LRRC56: variants seen among roughly 807,000 people sequenced by gnomAD.
The protein encoded by LRRC56 is leucine rich repeat containing 56.
LRRC56 carries 41 observed loss-of-function variants against 47.8 expected under a neutral mutation model. The ratio of observed to expected loss-of-function variants is 0.86; its 90% CI spans 0.67 to 1.11. The LOEUF is 1.11. LRRC56 is among the 50% of genes most tolerant of loss of function. LRRC56 has a pLI of 0.00. For missense variants in LRRC56, 759 were observed against 704.2 expected, an observed-to-expected ratio of 1.08 and a Z score of -0.88; for synonymous variants, 387 against 311.2, an observed-to-expected ratio of 1.24 and a Z score of -2.56.
At chr11:529,854 C>A in the LRRC56 span, 1 of 152,202 alleles carries the variant, frequency 6.6e-6, no homozygotes, top group Non-Finnish European at 1.5e-5. Context: ...TCCAGAATCC[C>A]AAGGGGTCAG....
At chr11:530,311 C>G in the LRRC56 span, among the ~76,000 whole-genome samples, 1 of 152,226 alleles carries the variant, frequency 6.6e-6, no homozygotes, top group Non-Finnish European at 1.5e-5. Flanking sequence ...GTGACCAGCA[C>G]GGTGTGGAAG....
At chr11:542,844 T>A (rs2894649) in intron 5 of LRRC56, among the ~76,000 whole-genome samples, 5 of 151,958 alleles carry the variant, frequency 3.3e-5, no homozygotes, top group Non-Finnish European at 7.4e-5. Context: ...CACCTGTACA[T>A]GACTCTTAGC....
chr11:545,608 G>A (rs192856593), intron 6 of LRRC56, among the ~76,000 whole-genome samples: 1 of 152,242 alleles, frequency 6.6e-6, no homozygotes, highest in Admixed American at 6.5e-5. Flanking sequence ...TACAGAACCC[G>A]GACCAGCTCC....
chr11:532,052 C>T, the LRRC56 span, among the ~76,000 whole-genome samples: 1 of 152,220 alleles, frequency 6.6e-6, no homozygotes, highest in Non-Finnish European at 1.5e-5. Flanking sequence ...CCAGAGCTCT[C>T]TGCCAGAAGC....
In LRRC56 at chr11:550,015, T is replaced by G; in HGVS notation, c.423+17T>G. ...GCACTTAAGGTGAGTCTGGGCACCC[T>G]GGGCTGGGGAGGCCTGGGCTGGGCC... On this transcript the variant is annotated intron_variant, in intron 7 of 13. Transcript: ENST00000270115. 1 of 1,609,626 alleles carries G rather than the reference T, an allele frequency of 6.2e-7. No homozygotes were observed. The highest frequency in any genetic ancestry group is 1.3e-5 in the African/African-American group (1 of 74,558).
At chr11:519,306 CG>C in the LRRC56 span, among the ~76,000 whole-genome samples, 11 of 129,334 alleles carry the variant, frequency 8.5e-5, no homozygotes, top group East Asian at 4.5e-4. Flanking sequence ...TATTAGAACG[CG>C]GGCTGATACA....
intron 13 of LRRC56, among the ~76,000 whole-genome samples, chr11:553,650 G>A (rs1045317948): frequency 1.3e-5 from 2 of 152,208 alleles, no homozygotes; most frequent in African/African-American, 2.4e-5. Context: ...GGCTCTCAGG[G>A]TCAGGACACA....
At chr11:530,940 GAC>G in the LRRC56 span, among the ~76,000 whole-genome samples, 8 of 43,232 alleles carry the variant, frequency 1.9e-4, 1 homozygote, top group African/African-American at 4.4e-4. Context: ...GCGTCCCCTG[GAC>G]AGAAGGGGGA....
upstream of LRRC56, chr11:533,337 A>C (rs748920784): frequency 6.2e-6 from 10 of 1,605,186 alleles, no homozygotes; most frequent in Admixed American, 1.7e-5. Flanking sequence ...CCGGAGCTGG[A>C]GCTAGAGCCA....
At chr11:532,724 C>T (rs748729430), upstream of LRRC56, 12 of 1,612,994 alleles carry the variant, frequency 7.4e-6, no homozygotes, top group East Asian at 6.7e-5. Flanking sequence ...CCGGATCTCA[C>T]GCACCAACGT....
chr11:534,945 G>A (rs1413756983), upstream of LRRC56, among the ~76,000 whole-genome samples: 2 of 152,248 alleles, frequency 1.3e-5, no homozygotes, highest in East Asian at 1.9e-4. Context: ...AGGAGCTCCT[G>A]GGAAGCAGGG....
rs1426602033 is a variant in LRRC56 at position 538,865 on chromosome 11, GAC to G, written c.-159+11_-159+12del. 2 of 152,496 alleles carry G rather than the reference GAC, an allele frequency of 1.3e-5. No homozygotes were observed. Among genetic ancestry groups the G allele is most frequent in the Non-Finnish European group, 2.9e-5 (2 of 68,244 alleles). 9.4% of individuals were successfully genotyped at this position (152,496 alleles called of 1,614,324 possible). A position where few individuals can be genotyped will look rare whatever the true frequency, so the allele number is the denominator to read the frequency against. ...AGGCCCTCAACCGAACACGTAGTAA[GAC>G]ACACAGGGCTCCGAAGGGAACTCGT... On this transcript the variant is annotated splice_donor_region_variant and intron_variant, in intron 2 of 13. Transcript: ENST00000270115.
At chr11:514,078 G>A in the LRRC56 span, among the ~76,000 whole-genome samples, 2 of 151,874 alleles carry the variant, frequency 1.3e-5, no homozygotes, top group Non-Finnish European at 2.9e-5. Flanking sequence ...TGCAACCTCC[G>A]CCTCCCAGGT....
chr11:532,465 T>TCCTCCTTCCGTCTGCA, the LRRC56 span: 3 of 899,720 alleles, frequency 3.3e-6, no homozygotes, highest in African/African-American at 3.3e-5. Flanking sequence ...CCTTCCTTCC[T>TCCTCCTTCCGTCTGCA]CCTCCTTCCG....
At chr11:546,708 C>T (rs1057487878) in intron 6 of LRRC56, among the ~76,000 whole-genome samples, 24 of 152,084 alleles carry the variant, frequency 1.6e-4, no homozygotes, top group Admixed American at 9.8e-4. Flanking sequence ...GGCACCCAGA[C>T]GACACCGCGA....
chr11:525,294 C>G, the LRRC56 span, among the ~76,000 whole-genome samples: 1 of 151,618 alleles, frequency 6.6e-6, no homozygotes, highest in African/African-American at 2.4e-5. Context: ...AATCCCAGCA[C>G]TTTGGGAGGC....
chr11:553,962 G>T lies in LRRC56; in HGVS notation c.1316-1G>T. ...GTCCCATCACTCTGCTTGCTTTCTA[G>T]AGCCCTCCGGGACCTCGAGCCAGCA... On this transcript the variant is annotated splice_acceptor_variant, in intron 13 of 13. Transcript: ENST00000270115. LOFTEE classifies it high-confidence loss of function. 1 of 1,610,098 alleles carries T rather than the reference G, an allele frequency of 6.2e-7. No individual in the cohort carries two copies. Among genetic ancestry groups the T allele is most frequent in the South Asian group, 1.1e-5 (1 of 90,912 alleles).
chr11:550,125 G>A lies in LRRC56; in HGVS notation c.477G>A (p.Leu159=). The A allele has an allele frequency of 1.2e-6, 2 of 1,613,522 alleles. No individual in the cohort carries two copies. The highest frequency in any genetic ancestry group is 1.7e-6 in the Non-Finnish European group (2 of 1,179,864). ...CGGACCTGAGCCCACTGTGCCTGCT[G>A]GAACAATTGGAGGTGCTGGACCTGG... The part of the protein sequence containing the change: ...NISDLSPLCL[L]EQLEVLDLEG... Residue 159 remains leucine (L), a synonymous_variant, in exon 8 of 14, where the codon CTG becomes CTA. Coordinates refer to ENST00000270115, the MANE Select transcript of LRRC56 (RefSeq NM_198075.4).
chr11:527,676 C>CAG, the LRRC56 span, among the ~76,000 whole-genome samples: 78 of 151,210 alleles, frequency 5.2e-4, no homozygotes, highest in African/African-American at 1.9e-3. Flanking sequence ...GGATTACAGG[C>CAG]GCCCGCCACC....
Sources: gnomAD v4.1 joint callset for allele counts (sites outside exome capture counted in the v4.1 genomes callset) on GRCh38, gnomAD v4.1.1 for gene constraint, MANE v1.5 for transcripts, NCBI Gene and HGNC (gene_info 2026-07-23, HGNC 2026-07-21) for gene names.